The following GNA14 variants were observed in gnomAD, a reference collection of about 807,000 sequenced individuals.
GNA14 encodes guanine nucleotide-binding protein subunit alpha-14.
In GNA14, 50 loss-of-function variants were observed where a neutral mutation model predicts 42.0. The observed-to-expected ratio is 1.19, with a 90% CI of 0.95 to 1.51. The LOEUF is 1.51. Ranked by LOEUF, GNA14 falls within the 40% of genes most tolerant of loss-of-function variation. The pLI is 0.00. For synonymous variants in GNA14, 173 were observed against 163.1 expected, an observed-to-expected ratio of 1.06 and a Z score of -0.46; for missense variants, 473 against 446.2, an observed-to-expected ratio of 1.06 and a Z score of -0.54.
intron 2 of GNA14, among the ~76,000 whole-genome samples, chr9:77,479,028 T>G (rs1836491135): frequency 1.3e-5 from 2 of 152,188 alleles, no homozygotes; most frequent in South Asian, 2.1e-4. Flanking sequence ...GCTCTTTAAT[T>G]AGATCCCATT....
chr9:77,643,017 T>C (rs1333830326), intron 1 of GNA14, among the ~76,000 whole-genome samples: 2 of 152,156 alleles, frequency 1.3e-5, no homozygotes, highest in Non-Finnish European at 2.9e-5. Flanking sequence ...CCCTTTACGC[T>C]CTGCCTGTTC....
At chr9:77,637,871 ACTTTT>A (rs763092485) in intron 1 of GNA14, among the ~76,000 whole-genome samples, 1 of 152,158 alleles carries the variant, frequency 6.6e-6, no homozygotes, top group Non-Finnish European at 1.5e-5. Flanking sequence ...CATAGGTAAT[ACTTTT>A]CTTTTGTGTT....
chr9:77,624,203 C>G (rs899282111), intron 1 of GNA14, among the ~76,000 whole-genome samples: 1 of 152,176 alleles, frequency 6.6e-6, no homozygotes, highest in African/African-American at 2.4e-5. Flanking sequence ...GCCGCTGTGG[C>G]CAGACTGCCT....
intron 2 of GNA14, among the ~76,000 whole-genome samples, chr9:77,497,095 C>T (rs765622628): frequency 5.9e-5 from 9 of 152,110 alleles, no homozygotes; most frequent in South Asian, 2.1e-4. Context: ...CTCCCCTCCA[C>T]GGCAGAGGTG....
intron 1 of GNA14, among the ~76,000 whole-genome samples, chr9:77,592,478 G>A (rs1198311012): frequency 3.9e-5 from 6 of 152,134 alleles, no homozygotes; most frequent in Admixed American, 2.6e-4. Flanking sequence ...TGTAAGATCT[G>A]GTCCCTTTGG....
At chr9:77,583,344 G>A (rs1001683548) in intron 1 of GNA14, among the ~76,000 whole-genome samples, 1 of 152,148 alleles carries the variant, frequency 6.6e-6, no homozygotes, top group African/African-American at 2.4e-5. Flanking sequence ...CAGATAAATA[G>A]CAAGCAGCTG....
chr9:77,590,558 C>T (rs182163322), intron 1 of GNA14, among the ~76,000 whole-genome samples: 4 of 152,264 alleles, frequency 2.6e-5, no homozygotes, highest in Admixed American at 6.5e-5. Context: ...CCTGCTGTCC[C>T]CCACATCTGC....
intron 1 of GNA14, among the ~76,000 whole-genome samples, chr9:77,611,434 T>C (rs1483545811): frequency 6.6e-6 from 1 of 152,216 alleles, no homozygotes; most frequent in African/African-American, 2.4e-5. Context: ...AGTAAGCATG[T>C]CTGTCCTTTA....
At position 77,423,246 on chromosome 9, in the gene GNA14, TG is replaced by T. The variant is rs1227256121; in HGVS notation, c.*732del. The T allele has an allele frequency of 6.6e-5, 10 of 151,942 alleles. No homozygotes were observed. In the Admixed American group the frequency reaches 6.6e-4, roughly 10 times the overall value. 9.4% of individuals were successfully genotyped at this position (151,942 alleles called of 1,614,324 possible). ...ATTTTTAAGATCTGGTCATATACAT[TG>T]GGGGTAAAAATGTACACACACACAC... On this transcript the variant is annotated 3_prime_UTR_variant, in exon 7 of 7. Coordinates refer to ENST00000341700, the MANE Select transcript of GNA14 (RefSeq NM_004297.4).
At chr9:77,490,214 T>C (rs943872214) in intron 2 of GNA14, among the ~76,000 whole-genome samples, 3 of 151,674 alleles carry the variant, frequency 2.0e-5, no homozygotes, top group Non-Finnish European at 2.9e-5. Context: ...GGTGCATTCA[T>C]AAACCTTGAG....
chr9:77,490,669 G>A (rs1383234154), intron 2 of GNA14, among the ~76,000 whole-genome samples: 3 of 152,198 alleles, frequency 2.0e-5, no homozygotes, highest in Admixed American at 6.5e-5. Flanking sequence ...CCGGCCGGCC[G>A]CTCCGAGTGC....
chr9:77,520,426 C>T (rs1452942497), intron 2 of GNA14, among the ~76,000 whole-genome samples: 1 of 152,192 alleles, frequency 6.6e-6, no homozygotes, highest in Non-Finnish European at 1.5e-5. Flanking sequence ...AAAGCAAATT[C>T]TGAAGGACTT....
intron 1 of GNA14, chr9:77,580,619 C>G (rs1373410146): frequency 9.3e-6 from 4 of 430,960 alleles, no homozygotes; most frequent in Non-Finnish European, 1.4e-5. Flanking sequence ...GCCCTGCTCA[C>G]TTCGGCTGAC....
At chr9:77,533,961 C>T (rs932604710) in intron 1 of GNA14, among the ~76,000 whole-genome samples, 25 of 152,330 alleles carry the variant, frequency 1.6e-4, no homozygotes, top group African/African-American at 6.0e-4. Flanking sequence ...ACTAGCATTT[C>T]CCAAACCTCA....
At chr9:77,457,389 A>C (rs1416505544) in intron 2 of GNA14, among the ~76,000 whole-genome samples, 15 of 152,230 alleles carry the variant, frequency 9.9e-5, no homozygotes, top group Non-Finnish European at 1.3e-4. Context: ...AGTACATAAA[A>C]ATTGACAAGA....
chr9:77,586,976 GTTTTTTT>G (rs3052396), intron 1 of GNA14, among the ~76,000 whole-genome samples: 286 of 142,990 alleles, frequency 2.0e-3, no homozygotes, highest in Middle Eastern at 7.0e-3. Context: ...TTACAGGCTG[GTTTTTTT>G]TTTTTTTTTA....
intron 1 of GNA14, among the ~76,000 whole-genome samples, chr9:77,617,004 G>T (rs2117960097): frequency 6.6e-6 from 1 of 152,024 alleles, no homozygotes; most frequent in East Asian, 1.9e-4. Context: ...TGAGTCGCTG[G>T]GACTACAGGC....
At chr9:77,468,093 A>T (rs1322762802) in intron 2 of GNA14, among the ~76,000 whole-genome samples, 1 of 152,152 alleles carries the variant, frequency 6.6e-6, no homozygotes, top group African/African-American at 2.4e-5. Flanking sequence ...GAGGGGTCCT[A>T]GACTAGGAGC....
At chr9:77,643,819 G>T (rs544499776) in intron 1 of GNA14, among the ~76,000 whole-genome samples, 30 of 152,198 alleles carry the variant, frequency 2.0e-4, no homozygotes, top group African/African-American at 7.0e-4. Context: ...CCCACAGTTG[G>T]TCAACTAAAA....
Sources: allele counts gnomAD v4.1 joint callset (sites outside exome capture counted in the v4.1 genomes callset), GRCh38; gene constraint gnomAD v4.1.1; transcripts MANE v1.5; gene names NCBI Gene and HGNC (gene_info 2026-07-23, HGNC 2026-07-21).